TMCC2: variants seen among roughly 807,000 people sequenced by gnomAD.
The protein encoded by TMCC2 is transmembrane and coiled-coil domains protein 2.
In TMCC2, 16 loss-of-function variants were observed where a neutral mutation model predicts 49.4. That is an observed-to-expected ratio of 0.32 (90% CI 0.22 to 0.49). The LOEUF is 0.49. Among genes scored for constraint, TMCC2 ranks in the 20% least tolerant of loss-of-function variants. The probability of loss-of-function intolerance (pLI) is 0.99; values close to 1 mark genes in which losing one functional copy is unlikely to be tolerated. For missense variants in TMCC2, 762 were observed against 989.8 expected (o/e 0.77, Z 3.09); for synonymous variants, 397 against 434.1 (o/e 0.91, Z 1.06).
At chr1:205,240,889 G>A (rs1660238243) in intron 1 of TMCC2, among the ~76,000 whole-genome samples, 1 of 152,212 alleles carries the variant, frequency 6.6e-6, no homozygotes, top group Non-Finnish European at 1.5e-5. Context: ...TAGCTGCAAG[G>A]GGAGTCTGAT....
chr1:205,271,623 C>A (rs918706228), intron 4 of TMCC2, among the ~76,000 whole-genome samples, 190 bp from the exon 5 acceptor site: 1 of 152,196 alleles, frequency 6.6e-6, no homozygotes, highest in Non-Finnish European at 1.5e-5. Flanking sequence ...ACTCTCATTT[C>A]CTAGCATCCT....
chr1:205,266,449 C>T (rs1232707014), intron 2 of TMCC2, among the ~76,000 whole-genome samples: 5 of 151,444 alleles, frequency 3.3e-5, no homozygotes, highest in Non-Finnish European at 5.9e-5. Context: ...AAAAATTAGC[C>T]GGGCGTGGCG....
chr1:205,270,010 G>C, intron 3 of TMCC2, 126 bp downstream of exon 3: 3 of 847,042 alleles, frequency 3.5e-6, no homozygotes, highest in Non-Finnish European at 5.4e-6. Context: ...CTGCTGGAAG[G>C]AGCCAGCACG....
intron 1 of TMCC2, among the ~76,000 whole-genome samples, chr1:205,237,404 C>T (rs1354720648): frequency 2.0e-5 from 3 of 152,150 alleles, no homozygotes; most frequent in African/African-American, 4.8e-5. Flanking sequence ...GACCCAGTCA[C>T]CCCACTGAAC....
intron 2 of TMCC2, among the ~76,000 whole-genome samples, chr1:205,267,033 A>G (rs1004784170): frequency 1.3e-5 from 2 of 152,226 alleles, no homozygotes; most frequent in African/African-American, 4.8e-5. Context: ...GACTGTGGGT[A>G]TGAAAGGTCA....
intron 1 of TMCC2, among the ~76,000 whole-genome samples, chr1:205,231,876 T>C (rs1049358226): frequency 1.3e-5 from 2 of 152,190 alleles, no homozygotes; most frequent in Admixed American, 1.3e-4. Context: ...TGTTTTCTCA[T>C]GACAGCTCCA....
chr1:205,271,958 C>G lies in TMCC2; in HGVS notation c.1964C>G (p.Ala655Gly), dbSNP rs1166987563. 4 of 1,614,226 alleles carry G rather than the reference C, an allele frequency of 2.5e-6. No homozygotes were observed. Among genetic ancestry groups the G allele is most frequent in the Non-Finnish European group, 3.4e-6 (4 of 1,180,038 alleles). ...ATCAACGTGATCCTGGCGCTCATGG[C>G]CGTGCTGCTGGTGTTCGTGTCCACC... is the stretch of plus-strand genomic sequence containing the variant. ...KFINVILALM[A>G]VLLVFVSTIA... The change falls in exon 5 of 5, where the codon GCC becomes GGC. Residue 655 changes from alanine to glycine, a missense_variant. By Grantham distance (60) the Ala-to-Gly change is moderately conservative. This residue lies in a region of TMCC2 where 440 missense variants were observed against 636.7 expected (regional missense o/e 0.69). Transcript: ENST00000358024.
At chr1:205,234,507 C>T (rs1179937600) in intron 1 of TMCC2, among the ~76,000 whole-genome samples, 1 of 152,130 alleles carries the variant, frequency 6.6e-6, no homozygotes, top group Non-Finnish European at 1.5e-5. Flanking sequence ...TTGGCCTCAC[C>T]TCCAGCTGAT....
In TMCC2 at chr1:205,233,709, G is replaced by A. The variant is rs201659561; in HGVS notation, c.207+4938G>A. On this transcript the variant is annotated intron_variant, in intron 1 of 4. Coordinates refer to ENST00000358024, the MANE Select transcript of TMCC2 (RefSeq NM_014858.4). The stretch of plus-strand genomic sequence containing the variant: ...CATGTACGCAGTTTAAATAACAGAA[G>A]CAAAGCAGACACCTCATCTACCCAA... The A allele has an allele frequency of 1.1e-4, 17 of 151,400 alleles. 1 individual carries two copies. The East Asian group carries it at 3.1e-3, about 28-fold the overall frequency. The allele number at this position is 151,400 out of a possible 1,614,324, so 9.4% of individuals were successfully genotyped here.
intron 1 of TMCC2, among the ~76,000 whole-genome samples, chr1:205,235,841 A>AG (rs1214797188): frequency 1.3e-5 from 2 of 152,110 alleles, no homozygotes; most frequent in Non-Finnish European, 2.9e-5. Flanking sequence ...AGGCCGAGGC[A>AG]GGGGGGTCAC....
At chr1:205,261,117 C>T (rs1661092911) in intron 2 of TMCC2, among the ~76,000 whole-genome samples, 1 of 151,696 alleles carries the variant, frequency 6.6e-6, no homozygotes, top group African/African-American at 2.4e-5. Flanking sequence ...CTGTTTTCCA[C>T]ATCAGCTGTG....
intron 2 of TMCC2, 175 bp from the exon 3 acceptor site, chr1:205,268,772 GAGC>G: frequency 1.6e-6 from 1 of 628,974 alleles, no homozygotes; most frequent in Non-Finnish European, 2.8e-6. Flanking sequence ...ACGGGGTAGA[GAGC>G]AGATGTGAAA....
At position 205,264,933 on chromosome 1, in the gene TMCC2, GAA is replaced by G. The variant is rs1450374552; in HGVS notation, c.748-4016_748-4015del. Among the ~76,000 whole-genome samples, 1 of 152,214 alleles carries G rather than the reference GAA, an allele frequency of 6.6e-6. No homozygotes were observed. The highest frequency in any genetic ancestry group is 1.5e-5 in the Non-Finnish European group (1 of 68,042). On this transcript the variant is annotated intron_variant, in intron 2 of 4. Coordinates refer to ENST00000358024, the MANE Select transcript of TMCC2 (RefSeq NM_014858.4). The surrounding 1 kb of genome is among the most constrained non-coding windows in gnomAD (Gnocchi z 4.2). ...AAACATTTAGAATTTGAGAAAAAGAGAAGAGCCCAGAGGCCATAGGGAAAATA... is the reference window on the plus strand; with the variant it reads ...AAACATTTAGAATTTGAGAAAAAGAGGAGCCCAGAGGCCATAGGGAAAATA...
chr1:205,259,475 A>C (rs74786261), intron 2 of TMCC2, among the ~76,000 whole-genome samples: 4,363 of 152,264 alleles, frequency 0.029, 202 homozygotes, highest in African/African-American at 0.094. Context: ...CATTATGAAG[A>C]AAGAGAACCA....
chr1:205,255,196 C>A (rs1414182617), intron 2 of TMCC2, among the ~76,000 whole-genome samples: 1 of 130,082 alleles, frequency 7.7e-6, no homozygotes, highest in East Asian at 2.0e-4. Context: ...GAGCAAGATC[C>A]TGTCTCAAAA....
chr1:205,235,181 G>A (rs946629723), intron 1 of TMCC2, among the ~76,000 whole-genome samples: 3 of 152,084 alleles, frequency 2.0e-5, no homozygotes, highest in Admixed American at 6.6e-5. Flanking sequence ...GCCCAGGATT[G>A]CCTCCCCCCC....
intron 2 of TMCC2, among the ~76,000 whole-genome samples, chr1:205,247,380 T>G (rs1006314398): frequency 4.6e-5 from 7 of 152,206 alleles, no homozygotes; most frequent in Admixed American, 6.5e-5. Context: ...GCAAAGTCTA[T>G]GGAGAGCAGG....
In TMCC2 at chr1:205,238,754, T is replaced by TA. The variant is rs976487791; in HGVS notation, c.208-2748dup. Among the ~76,000 whole-genome samples the TA allele has an allele frequency of 2.2e-4, 34 of 152,256 alleles. 1 individual carries two copies. The South Asian group carries it at 2.9e-3, about 13-fold the overall frequency. ...AAATCAGTGTATGGGCCCATGAAGG[T>TA]AAATTCAATTAGAAGTCGGGGGTTT... On this transcript the variant is annotated intron_variant, in intron 1 of 4. Transcript: ENST00000358024.
chr1:205,228,885 G>A, intron 1 of TMCC2, 114 bp downstream of exon 1: 2 of 1,446,284 alleles, frequency 1.4e-6, no homozygotes, highest in Non-Finnish European at 1.8e-6. Flanking sequence ...AAAGGTCAGA[G>A]AGGATGAGCG....
Sources: allele counts gnomAD v4.1 joint callset (sites outside exome capture counted in the v4.1 genomes callset), GRCh38; gene constraint gnomAD v4.1.1; regional missense constraint gnomAD v4.1.1; non-coding constraint Gnocchi (gnomAD v3.1); transcripts MANE v1.5; gene names NCBI Gene and HGNC (gene_info 2026-07-23, HGNC 2026-07-21).